Variants in DLGAP2 observed in about 807,000 individuals in gnomAD.
DLGAP2 encodes the protein disks large-associated protein 2.
In DLGAP2, 26 loss-of-function variants were observed where a neutral mutation model predicts 100.3. The observed-to-expected ratio is 0.26, with a 90% CI of 0.19 to 0.36. The LOEUF (loss-of-function observed/expected upper bound fraction) is 0.36, where lower values mean the gene tolerates loss of function less well. Ranked by LOEUF, DLGAP2 falls within the 10% of genes least tolerant of loss-of-function variation. The pLI, the probability that DLGAP2 is intolerant of heterozygous loss-of-function variation, is 1.00. For synonymous variants in DLGAP2, 886 were observed against 630.1 expected (o/e 1.41, Z -6.08); for missense variants, 1,858 against 1,453.2 (o/e 1.28, Z -4.53).
intron 2 of DLGAP2, among the ~76,000 whole-genome samples, chr8:912,556 G>A (rs550390172): frequency 6.6e-6 from 1 of 152,296 alleles, no homozygotes; most frequent in African/African-American, 2.4e-5. Context: ...ACATGGAGTT[G>A]TGAGTTCTTG....
Position 1,548,929 on chromosome 8 carries a change from G to A in DLGAP2, c.476G>A (p.Ser159Asn). 6.3e-7 allele frequency: 1 copy of A among 1,598,394 alleles called. No homozygotes were observed. Residue 159 changes from serine to asparagine, a missense_variant, in exon 5 of 15, where the codon AGC (serine) becomes AAC (asparagine). Coordinates refer to ENST00000637795, the MANE Select transcript of DLGAP2 (RefSeq NM_001346810.2). Reference protein sequence around the residue: ...PVVLGDHVSSSTFPRMHYSSH... With the variant: ...PVVLGDHVSSNTFPRMHYSSH... ...GTGCTGGGCGACCACGTGTCCAGCA[G>A]CACCTTCCCGCGGATGCACTACAGC... is the stretch of plus-strand genomic sequence containing the variant.
chr8:1,311,950 G>A (rs1800623655), intron 3 of DLGAP2, among the ~76,000 whole-genome samples: 1 of 152,240 alleles, frequency 6.6e-6, no homozygotes, highest in Non-Finnish European at 1.5e-5. Context: ...CACCATTAAT[G>A]CTGGAGATTT....
intron 2 of DLGAP2, among the ~76,000 whole-genome samples, chr8:1,040,932 A>T (rs1255494525): frequency 2.0e-5 from 3 of 152,064 alleles, no homozygotes. Flanking sequence ...GTAAACCAGG[A>T]TTGGTGACTT....
chr8:1,230,605 A>T, intron 2 of DLGAP2, among the ~76,000 whole-genome samples: 1 of 152,220 alleles, frequency 6.6e-6, no homozygotes. Flanking sequence ...CTGACTTCAA[A>T]CTGTACTATA....
At chr8:1,571,373 AG>A (rs1313579938) in intron 6 of DLGAP2, among the ~76,000 whole-genome samples, 1 of 100,196 alleles carries the variant, frequency 1.0e-5, no homozygotes, top group Admixed American at 1.1e-4. Context: ...TGGAGAGGAG[AG>A]AGGGGTGAAC....
intron 3 of DLGAP2, among the ~76,000 whole-genome samples, chr8:1,374,961 C>T (rs567051125): frequency 3.3e-5 from 5 of 151,606 alleles, no homozygotes; most frequent in South Asian, 2.1e-4. Context: ...AGCAGGTGGT[C>T]GATCTCAAGC....
At chr8:827,150 A>G (rs1796697876) in intron 1 of DLGAP2, among the ~76,000 whole-genome samples, 1 of 152,192 alleles carries the variant, frequency 6.6e-6, no homozygotes, top group African/African-American at 2.4e-5. Context: ...AGAGCAGCCT[A>G]CAGTGCCTGG....
At chr8:1,182,232 G>T (rs569933708) in intron 2 of DLGAP2, among the ~76,000 whole-genome samples, 56 of 152,352 alleles carry the variant, frequency 3.7e-4, no homozygotes, top group Non-Finnish European at 5.7e-4. Flanking sequence ...TTCCCAACAG[G>T]GGCTTGGGGG....
intron 3 of DLGAP2, among the ~76,000 whole-genome samples, chr8:1,365,912 G>A (rs1193881179): frequency 6.6e-6 from 1 of 152,226 alleles, no homozygotes; most frequent in Non-Finnish European, 1.5e-5. Context: ...AAAAACAGGT[G>A]ATGGCAGAAG....
chr8:1,625,351 A>G (rs1015408995), intron 6 of DLGAP2, among the ~76,000 whole-genome samples: 2 of 152,258 alleles, frequency 1.3e-5, no homozygotes, highest in African/African-American at 4.8e-5. Context: ...CCAGTTAGCC[A>G]GAAGTTTAAG....
chr8:1,408,599 C>T (rs1482890190), intron 3 of DLGAP2, among the ~76,000 whole-genome samples: 1 of 152,236 alleles, frequency 6.6e-6, no homozygotes, highest in South Asian at 2.1e-4. Context: ...ACTGGAGTTT[C>T]TAAGCCTGTT....
At chr8:953,845 C>G (rs575319107) in intron 2 of DLGAP2, among the ~76,000 whole-genome samples, 1 of 152,334 alleles carries the variant, frequency 6.6e-6, no homozygotes, top group East Asian at 1.9e-4. Flanking sequence ...TGGTCAGTCA[C>G]TCAGATGGCT....
chr8:1,138,641 GA>G (rs1796465540), intron 2 of DLGAP2, among the ~76,000 whole-genome samples: 1 of 152,254 alleles, frequency 6.6e-6, no homozygotes, highest in Non-Finnish European at 1.5e-5. Flanking sequence ...TCTTTAAATG[GA>G]ATGTTGCTGG....
At chr8:1,337,425 G>C in intron 3 of DLGAP2, among the ~76,000 whole-genome samples, 2 of 111,638 alleles carry the variant, frequency 1.8e-5, no homozygotes, top group Non-Finnish European at 2.1e-5. Context: ...TGAGGATGAT[G>C]GTGATGGTGA....
At chr8:1,359,811 C>G (rs571715264) in intron 3 of DLGAP2, among the ~76,000 whole-genome samples, 1 of 152,358 alleles carries the variant, frequency 6.6e-6, no homozygotes, top group African/African-American at 2.4e-5. Flanking sequence ...GCTTCATGGA[C>G]TTCTCCTTAG....
intron 3 of DLGAP2, among the ~76,000 whole-genome samples, chr8:1,372,379 C>T (rs1459603690): frequency 2.0e-5 from 3 of 152,228 alleles, no homozygotes; most frequent in Admixed American, 1.3e-4. Flanking sequence ...GCCGACTCTG[C>T]AGGCGAGCAA....
At chr8:1,469,564 G>C (rs1200366317) in intron 3 of DLGAP2, among the ~76,000 whole-genome samples, 1 of 152,184 alleles carries the variant, frequency 6.6e-6, no homozygotes, top group Admixed American at 6.5e-5. Flanking sequence ...GCCTTACTGA[G>C]CTTCCTCAGA....
chr8:1,325,211 A>T (rs1800992732), intron 3 of DLGAP2, among the ~76,000 whole-genome samples: 1 of 152,190 alleles, frequency 6.6e-6, no homozygotes, highest in Non-Finnish European at 1.5e-5. Flanking sequence ...CTGTCCTGAG[A>T]TGTTCAATGT....
chr8:1,134,669 A>T (rs987629683), intron 2 of DLGAP2, among the ~76,000 whole-genome samples: 11 of 152,242 alleles, frequency 7.2e-5, no homozygotes, highest in African/African-American at 2.4e-4. Context: ...TGGGTAATTT[A>T]TAAAGGAAAG....
Sources: gnomAD v4.1 joint callset for allele counts (sites outside exome capture counted in the v4.1 genomes callset) on GRCh38, gnomAD v4.1.1 for gene constraint, MANE v1.5 for transcripts, NCBI Gene and HGNC (gene_info 2026-07-23, HGNC 2026-07-21) for gene names.